The following LILRB4 variants were observed in gnomAD, a reference collection of about 807,000 sequenced individuals.
LILRB4 encodes leukocyte immunoglobulin-like receptor subfamily B member 4.
Under a neutral mutation model 55.2 loss-of-function variants are expected in LILRB4, and 49 were observed. The observed-to-expected ratio is 0.89, with a 90% CI of 0.71 to 1.13. LILRB4 has a LOEUF of 1.13. Ranked by LOEUF, LILRB4 falls within the 50% of genes most tolerant of loss-of-function variation. The pLI is 0.00. For synonymous variants in LILRB4, 229 were observed against 213.8 expected, an observed-to-expected ratio of 1.07 and a Z score of -0.62; for missense variants, 590 against 555.2, an observed-to-expected ratio of 1.06 and a Z score of -0.63.
exon 5 of LILRB4, chr19:54,664,832 G>A: frequency 6.2e-7 from 1 of 1,610,850 alleles, no homozygotes; most frequent in Non-Finnish European, 8.5e-7. Context: ...TCACCCACAA[G>A]GTCCGTCTCA....
Position 54,665,095 on chromosome 19 carries a change from G to A in LILRB4, c.707-35G>A, listed in dbSNP as rs1338930669. Reference sequence around the variant, plus strand: ...AAGCCGAGCTGATGTGGGGAGCAGGGCAGCCCCAGCCCTCACATCCCTGTT... The same window carrying A: ...AAGCCGAGCTGATGTGGGGAGCAGGACAGCCCCAGCCCTCACATCCCTGTT... On this transcript the variant is annotated intron_variant, in intron 5 of 11. Transcript: ENST00000430952. This position sits in a 1 kb window ranked among gnomAD's most constrained non-coding sequence, Gnocchi z 5.5. 5.0e-6 allele frequency: 8 copies of A among 1,609,752 alleles called. No individual in the cohort carries two copies. The East Asian group carries it at 6.7e-5, about 14-fold the overall frequency.
Position 54,666,583 on chromosome 19 carries a change from C to G in LILRB4, c.989-114C>G, listed in dbSNP as rs545238777. 2.8e-6 allele frequency: 4 copies of G among 1,429,044 alleles called. No homozygotes were observed. The highest frequency in any genetic ancestry group is 3.9e-6 in the Non-Finnish European group (4 of 1,025,956). The allele number at this position is 1,429,044 out of a possible 1,614,324, so 88.5% of individuals were successfully genotyped here. On this transcript the variant is annotated intron_variant, in intron 9 of 11. Coordinates refer to ENST00000430952, the Ensembl canonical transcript of LILRB4. The surrounding 1 kb of genome is among the most constrained non-coding windows in gnomAD (Gnocchi z 4.8). ...CCACATTGTGGGACCTCGGGGACATCACAGCCCCTCCCTGCGTTGCAGTGG... is the reference window on the plus strand; with the variant it reads ...CCACATTGTGGGACCTCGGGGACATGACAGCCCCTCCCTGCGTTGCAGTGG...
Position 54,663,083 on chromosome 19 carries a change from G to A in LILRB4, c.34+16G>A. The A allele has an allele frequency of 6.2e-7, 1 of 1,606,490 alleles. No homozygotes were observed. ...CTCTGCCTCGGTGAGATTTAAAGAG[G>A]GGGAGGGGAGACCCGAGTCTTGGAG... On this transcript the variant is annotated intron_variant, in intron 1 of 11. Coordinates refer to ENST00000430952, the Ensembl canonical transcript of LILRB4.
intron 3 of LILRB4, 59 bp from the exon 4 acceptor site, chr19:54,664,127 C>T (rs898169600): frequency 1.3e-6 from 2 of 1,593,290 alleles, no homozygotes; most frequent in Admixed American, 3.4e-5. Context: ...ACAGCCCAGC[C>T]CTGGGGATGA....
intron 1 of LILRB4, 67 bp downstream of exon 1, chr19:54,663,134 G>C (rs1407070412): frequency 6.4e-7 from 1 of 1,552,220 alleles, no homozygotes; most frequent in Non-Finnish European, 8.7e-7. Flanking sequence ...GCCAGGCCCT[G>C]GTTCTTTAGG....
Position 54,664,609 on chromosome 19 carries a change from G to C in LILRB4, c.655+124G>C. ...CAGTGGGGGACTCAGCCCTCAGAGG[G>C]GAGGAGGACAACAGGGGCCCTCCCA... On this transcript the variant is annotated intron_variant, in intron 4 of 11. Coordinates refer to ENST00000430952, the Ensembl canonical transcript of LILRB4. The C allele has an allele frequency of 2.6e-6, 3 of 1,151,260 alleles. No individual in the cohort carries two copies. The East Asian group carries it at 7.3e-5, about 28-fold the overall frequency. 71.3% of individuals were successfully genotyped at this position (1,151,260 alleles called of 1,614,324 possible). A position where few individuals can be genotyped will look rare whatever the true frequency, so the allele number is the denominator to read the frequency against.
At chr19:54,664,252 C>G in exon 4 of LILRB4, 1 of 1,614,160 alleles carries the variant, frequency 6.2e-7, no homozygotes, top group Non-Finnish European at 8.5e-7. Flanking sequence ...AAGAGCGTGA[C>G]CCTGCTGTGT....
In LILRB4 at chr19:54,665,813, A is replaced by G; in HGVS notation, c.758-2A>G. The G allele has an allele frequency of 1.9e-6, 3 of 1,601,538 alleles. No homozygotes were observed. Among genetic ancestry groups the G allele is most frequent in the Non-Finnish European group, 2.6e-6 (3 of 1,174,222 alleles). On this transcript the variant is annotated splice_acceptor_variant, in intron 6 of 11. Coordinates refer to ENST00000430952, the Ensembl canonical transcript of LILRB4. LOFTEE classifies it high-confidence loss of function. This position sits in a 1 kb window ranked among gnomAD's most constrained non-coding sequence, Gnocchi z 5.5. ...CCCATTCCTGATGTCATCACGCCCA[A>G]GGTCTGAGAAGGCACTGGGAGGTAC...
In LILRB4 at chr19:54,665,905, G is replaced by A; in HGVS notation, c.848G>A (p.Trp283Ter). 6.2e-7 allele frequency: 1 copy of A among 1,613,854 alleles called. No individual in the cohort carries two copies. The highest frequency in any genetic ancestry group is 8.5e-7 in the Non-Finnish European group (1 of 1,179,976). Reference sequence around the variant, plus strand: ...CTCCTCTTCCTCCTCCTCCAACACTGGCGTCAGGGAAAACACAGGACATTG... The same window carrying A: ...CTCCTCTTCCTCCTCCTCCAACACTAGCGTCAGGGAAAACACAGGACATTG... The change falls in exon 7 of 12, where the codon TGG becomes TAG. Residue 283 changes from tryptophan (W) to a stop codon, truncating the protein, a stop_gained. Transcript: ENST00000430952. LOFTEE classifies it high-confidence loss of function. The surrounding 1 kb of genome is among the most constrained non-coding windows in gnomAD (Gnocchi z 5.5).
rs2065295955 is a variant in LILRB4 at position 54,666,881 on chromosome 19, C to T, written c.1041+132C>T. Reference sequence around the variant, plus strand: ...GACCCCTCCTTGTCCAGCACGCTGCCTCCTGCCTGCTGGGACCTCACTCTC... The same window carrying T: ...GACCCCTCCTTGTCCAGCACGCTGCTTCCTGCCTGCTGGGACCTCACTCTC... On this transcript the variant is annotated intron_variant, in intron 10 of 11. Coordinates refer to ENST00000430952, the Ensembl canonical transcript of LILRB4. This position sits in a 1 kb window ranked among gnomAD's most constrained non-coding sequence, Gnocchi z 4.8. 1.1e-6 allele frequency: 1 copy of T among 924,898 alleles called. No individual in the cohort carries two copies. Among genetic ancestry groups the T allele is most frequent in the Non-Finnish European group, 1.8e-6 (1 of 552,422 alleles). 57.3% of individuals were successfully genotyped at this position (924,898 alleles called of 1,614,324 possible).
At position 54,665,759 on chromosome 19, in the gene LILRB4, C is replaced by T. The variant is rs907965726; in HGVS notation, c.758-56C>T. The stretch of plus-strand genomic sequence containing the variant: ...CCAGCACACACAGTAGGTGCACACA[C>T]AGTAGGTGTGCACATCAATGACATC... On this transcript the variant is annotated intron_variant, in intron 6 of 11. Transcript: ENST00000430952. This position sits in a 1 kb window ranked among gnomAD's most constrained non-coding sequence, Gnocchi z 5.5. 4.6e-6 allele frequency: 7 copies of T among 1,526,312 alleles called. No homozygotes were observed. The Admixed American group carries it at 1.4e-4, about 30-fold the overall frequency. 94.5% of individuals were successfully genotyped at this position (1,526,312 alleles called of 1,614,324 possible).
exon 4 of LILRB4, chr19:54,664,213 C>T (rs1396906035): frequency 8.7e-6 from 14 of 1,613,834 alleles, no homozygotes; most frequent in Non-Finnish European, 1.2e-5. Context: ...ACCCTTTCAG[C>T]CCTGCCGAGT....
chr19:54,664,328 T>C lies in LILRB4; in HGVS notation c.498T>C (p.His166=). 3 of 1,614,150 alleles carry C rather than the reference T, an allele frequency of 1.9e-6. No homozygotes were observed. In the East Asian group the frequency reaches 6.7e-5, roughly 36 times the overall value. The change falls in exon 4 of 12, where the codon CAT becomes CAC. Residue 166 remains histidine (H), a synonymous_variant. Transcript: ENST00000430952. ...AGCGGGCAGCCCATCCCCTACTGCA[T>C]CTGAGATCAGAGCACGGAGCTCAGC...
Position 54,666,506 on chromosome 19 carries a change from G to A in LILRB4, c.988+70G>A, listed in dbSNP as rs1318954918. 2.2e-5 allele frequency: 35 copies of A among 1,565,256 alleles called. No individual in the cohort carries two copies. The highest frequency in any genetic ancestry group is 3.0e-5 in the Non-Finnish European group (34 of 1,140,000). On this transcript the variant is annotated intron_variant, in intron 9 of 11. Transcript: ENST00000430952. This position sits in a 1 kb window ranked among gnomAD's most constrained non-coding sequence, Gnocchi z 4.8. ...TCCCAAAATTTCAATAGCAATGGGG[G>A]CAGGAGCACAGGCTAGGATTGGTCA...
At chr19:54,664,716 G>A in intron 4 of LILRB4, 83 bp from the exon 5 acceptor site, 4 of 1,155,218 alleles carry the variant, frequency 3.5e-6, no homozygotes, top group South Asian at 1.5e-5. Context: ...AAGCTGCAGG[G>A]CAGATATAGG....
chr19:54,668,713 C>T (rs1218560888), downstream of LILRB4: 1 of 152,232 alleles, frequency 6.6e-6, no homozygotes, highest in Non-Finnish European at 1.5e-5. Flanking sequence ...AATGCCACTT[C>T]AGCAAGGTTT....
rs75051659 is a variant in LILRB4, at chr19:54,663,878, C to T, written c.195C>T (p.Ser65=). 2,358 of 1,614,128 alleles carry T rather than the reference C, an allele frequency of 1.5e-3. 23 individuals carry two copies. In the African/African-American group the frequency reaches 0.029, roughly 20 times the overall value. The change falls in exon 3 of 12, where the codon AGC becomes AGT. Residue 65 remains serine, a synonymous_variant. Transcript: ENST00000430952. Reference sequence around the variant, plus strand: ...AGTACCGTCTGGATAAAGAGGAAAGCCCAGCACCCTGGGACAGACAGAACC... The same window carrying T: ...AGTACCGTCTGGATAAAGAGGAAAGTCCAGCACCCTGGGACAGACAGAACC...
chr19:54,665,974 G>T lies in LILRB4; in HGVS notation c.874+43G>T. The T allele has an allele frequency of 6.2e-7, 1 of 1,612,550 alleles. No homozygotes were observed. The highest frequency in any genetic ancestry group is 8.5e-7 in the Non-Finnish European group (1 of 1,179,034). On this transcript the variant is annotated intron_variant, in intron 7 of 11. Coordinates refer to ENST00000430952, the Ensembl canonical transcript of LILRB4. This position sits in a 1 kb window ranked among gnomAD's most constrained non-coding sequence, Gnocchi z 5.5. The stretch of plus-strand genomic sequence containing the variant: ...GGACCCGTGGGCTGATGGAGGGTGG[G>T]CTCAGGGCACCAGCCAAAGGGACTC...
Position 54,666,679 on chromosome 19 carries a change from C to G in LILRB4, c.989-18C>G. ...GGGAACCTTCCCAGGAGATGAACCC[C>G]TTGCTCTACCCCAGCAGGTGCTGCC... On this transcript the variant is annotated intron_variant, in intron 9 of 11. Transcript: ENST00000430952. This position sits in a 1 kb window ranked among gnomAD's most constrained non-coding sequence, Gnocchi z 4.8. 1 of 1,613,634 alleles carries G rather than the reference C, an allele frequency of 6.2e-7. No individual in the cohort carries two copies. Among genetic ancestry groups the G allele is most frequent in the Non-Finnish European group, 8.5e-7 (1 of 1,179,620 alleles).
Sources: allele counts gnomAD v4.1 joint callset, GRCh38; gene constraint gnomAD v4.1.1; non-coding constraint Gnocchi (gnomAD v3.1); transcripts MANE v1.5; gene names NCBI Gene and HGNC (gene_info 2026-07-23, HGNC 2026-07-21).